Variants in DIPK1A observed in about 807,000 individuals in gnomAD.
DIPK1A encodes the protein divergent protein kinase domain 1A.
A neutral mutation model predicts 40.8 loss-of-function variants in DIPK1A; 27 were observed. The observed-to-expected ratio is 0.66, with a 90% CI of 0.49 to 0.91. The LOEUF is 0.91. Ranked by LOEUF, DIPK1A falls within the 40% of genes least tolerant of loss-of-function variation. The pLI is 0.00. For missense variants in DIPK1A, 412 were observed against 505.7 expected (o/e 0.81, Z 1.78); for synonymous variants, 166 against 171.3 (o/e 0.97, Z 0.24).
chr1:92,845,508 G>GAAAAA (rs552078855), intron 4 of DIPK1A: 44 of 199,988 alleles, frequency 2.2e-4, no homozygotes, highest in Non-Finnish European at 2.7e-4. Flanking sequence ...GTCTATGCTA[G>GAAAAA]AAAAAAAAAA....
chr1:92,845,172 C>T (rs1476974770), intron 4 of DIPK1A, among the ~76,000 whole-genome samples: 1 of 151,344 alleles, frequency 6.6e-6, no homozygotes, highest in African/African-American at 2.4e-5. Context: ...TGGTCTCGAT[C>T]TCCTGACCTT....
intron 3 of DIPK1A, 128 bp downstream of exon 3, chr1:92,850,720 G>A: frequency 1.6e-6 from 1 of 619,176 alleles, no homozygotes; most frequent in Admixed American, 3.2e-5. Flanking sequence ...ATGAATCAAA[G>A]CATACAAAAT....
At chr1:92,855,151 A>G (rs1243336518) in intron 2 of DIPK1A, among the ~76,000 whole-genome samples, 1 of 152,184 alleles carries the variant, frequency 6.6e-6, no homozygotes, top group Admixed American at 6.6e-5. Context: ...TTGGAAACTA[A>G]AAAGCATATT....
chr1:92,848,024 A>G (rs1687694820), intron 3 of DIPK1A, among the ~76,000 whole-genome samples: 1 of 152,172 alleles, frequency 6.6e-6, no homozygotes, highest in Non-Finnish European at 1.5e-5. Flanking sequence ...GGTATGAGGC[A>G]CCACACCTGG....
At chr1:92,872,694 T>C (rs560436769) in intron 2 of DIPK1A, among the ~76,000 whole-genome samples, 6 of 152,306 alleles carry the variant, frequency 3.9e-5, no homozygotes, top group East Asian at 1.9e-4. Context: ...CAGGAGCTGT[T>C]TGAAGTTGAG....
intron 1 of DIPK1A, among the ~76,000 whole-genome samples, chr1:92,896,871 A>G (rs2100813777): frequency 6.6e-6 from 1 of 151,912 alleles, no homozygotes. Context: ...TCTCAAAAGA[A>G]GACATTTATG....
At position 92,842,325 on chromosome 1, in the gene DIPK1A, C is replaced by T. The variant is rs761731269; in HGVS notation, c.*1058G>A. 26 of 985,766 alleles carry T rather than the reference C, an allele frequency of 2.6e-5. No homozygotes were observed. The highest frequency in any genetic ancestry group is 6.1e-5 in the Admixed American group (1 of 16,312). The allele number at this position is 985,766 out of a possible 1,614,324, so 61.1% of individuals were successfully genotyped here. On this transcript the variant is annotated 3_prime_UTR_variant, in exon 5 of 5. Transcript: ENST00000370310. ...TTTAACATGTTCCACTTTAGGTAGG[C>T]GAAACCTTTGAGCAGAAAATAGTGG... is the stretch of plus-strand genomic sequence containing the variant.
intron 1 of DIPK1A, among the ~76,000 whole-genome samples, chr1:92,880,382 T>C (rs1648311797): frequency 6.6e-6 from 1 of 152,232 alleles, no homozygotes; most frequent in South Asian, 2.1e-4. Context: ...AATATTTTAT[T>C]GTAAGCCCAC....
At chr1:92,944,822 C>T (rs1018940932) in intron 1 of DIPK1A, among the ~76,000 whole-genome samples, 4 of 152,002 alleles carry the variant, frequency 2.6e-5, no homozygotes, top group African/African-American at 9.7e-5. Flanking sequence ...TTGAGACCAG[C>T]CTGGGCAACA....
chr1:92,895,169 C>T lies in DIPK1A; in HGVS notation c.55-18739G>A, dbSNP rs182757097. On this transcript the variant is annotated intron_variant, in intron 1 of 4. Transcript: ENST00000370310. ...ACTTATTTTATGAGGCCAGCACCAT[C>T]CTGATACCAAAGCCTGGCAGAGACA... Among the ~76,000 whole-genome samples, 537 of 151,836 alleles carry T rather than the reference C, an allele frequency of 3.5e-3. 7 individuals are homozygous for T. Among genetic ancestry groups the T allele is most frequent in the African/African-American group, 0.013 (518 of 41,326 alleles).
intron 2 of DIPK1A, among the ~76,000 whole-genome samples, chr1:92,864,150 G>A (rs1186379654): frequency 6.6e-6 from 1 of 152,124 alleles, no homozygotes; most frequent in African/African-American, 2.4e-5. Flanking sequence ...ACAGGATAAT[G>A]GCAGAAAAGA....
At position 92,929,454 on chromosome 1, in the gene DIPK1A, C is replaced by G. The variant is rs140497928; in HGVS notation, c.54+31922G>C. ...GGTGGATGTTAAATGCAGGTTTGGG[C>G]ACTAATCTTTCTGCATCTCCTCCCC... On this transcript the variant is annotated intron_variant, in intron 1 of 4. Transcript: ENST00000370310. 6.7e-3 allele frequency among the ~76,000 whole-genome samples: 1,020 copies of G among 152,328 alleles called. 14 individuals carry two copies. The highest frequency in any genetic ancestry group is 0.023 in the African/African-American group (956 of 41,572).
In DIPK1A at chr1:92,901,720, T is replaced by G. The variant is rs1457422723; in HGVS notation, c.55-25290A>C. 2.6e-5 allele frequency among the ~76,000 whole-genome samples: 4 copies of G among 152,026 alleles called. No homozygotes were observed. In the East Asian group the frequency reaches 7.7e-4, roughly 29 times the overall value. The stretch of plus-strand genomic sequence containing the variant: ...TCAGATTCTGTGATGCCAGGTGCAG[T>G]GGCAGCAAATATCCCAGAATAATGG... On this transcript the variant is annotated intron_variant, in intron 1 of 4. Transcript: ENST00000370310.
At chr1:92,938,970 G>A (rs941943861) in intron 1 of DIPK1A, among the ~76,000 whole-genome samples, 10 of 151,882 alleles carry the variant, frequency 6.6e-5, no homozygotes, top group East Asian at 5.8e-4. Context: ...GTGTGATCTC[G>A]GCTCACTGCA....
intron 2 of DIPK1A, among the ~76,000 whole-genome samples, chr1:92,875,335 A>T (rs1428050414): frequency 6.6e-6 from 1 of 152,198 alleles, no homozygotes; most frequent in Non-Finnish European, 1.5e-5. Context: ...TAGAATCTTT[A>T]ACAAGTTATA....
chr1:92,837,040 G>A (rs75670163), intron 4 of DIPK1A: 6 of 289,150 alleles, frequency 2.1e-5, no homozygotes, highest in Middle Eastern at 1.3e-3. Context: ...GGAGGTGGGT[G>A]GGGGGAGTTA....
intron 1 of DIPK1A, among the ~76,000 whole-genome samples, chr1:92,897,725 C>T: frequency 6.6e-6 from 1 of 151,032 alleles, no homozygotes; most frequent in South Asian, 2.1e-4. Flanking sequence ...TGTTTAATTT[C>T]CTGTTTGTAA....
intron 1 of DIPK1A, among the ~76,000 whole-genome samples, chr1:92,948,718 T>TA (rs2100906103): frequency 6.8e-6 from 1 of 146,800 alleles, no homozygotes; most frequent in African/African-American, 2.5e-5. Flanking sequence ...TACACATATA[T>TA]TTTTTATATT....
chr1:92,919,996 T>C (rs1571124492), intron 1 of DIPK1A, among the ~76,000 whole-genome samples: 1 of 152,238 alleles, frequency 6.6e-6, no homozygotes, highest in Non-Finnish European at 1.5e-5. Flanking sequence ...CAGGCTCAAC[T>C]TGAGACCCTA....
Sources: allele counts gnomAD v4.1 joint callset (sites outside exome capture counted in the v4.1 genomes callset), GRCh38; gene constraint gnomAD v4.1.1; transcripts MANE v1.5; gene names NCBI Gene and HGNC (gene_info 2026-07-23, HGNC 2026-07-21).